The following PNPLA7 variants were observed in gnomAD, a reference collection of about 807,000 sequenced individuals.
PNPLA7 encodes patatin-like phospholipase domain-containing protein 7.
Under a neutral mutation model 161.7 loss-of-function variants are expected in PNPLA7, and 153 were observed. The observed-to-expected ratio is 0.95, with a 90% CI of 0.83 to 1.08. The LOEUF (loss-of-function observed/expected upper bound fraction) is 1.08, where lower values mean the gene tolerates loss of function less well. PNPLA7 is among the 50% of genes least tolerant of loss of function. The pLI is 0.00. For missense variants in PNPLA7, 1,739 were observed against 1,856.6 expected, an observed-to-expected ratio of 0.94 and a Z score of 1.16; for synonymous variants, 809 against 782.1, an observed-to-expected ratio of 1.03 and a Z score of -0.57.
At chr9:137,502,745 A>ACGAGGGGGG in intron 14 of PNPLA7, among the ~76,000 whole-genome samples, 1 of 72,520 alleles carries the variant, frequency 1.4e-5, no homozygotes, top group African/African-American at 5.8e-5. Flanking sequence ...GACGAGAGGG[A>ACGAGGGGGG]TGTGGGAGCC....
Position 137,506,064 on chromosome 9 carries a change from A to G in PNPLA7, c.1245T>C (p.Thr415=), listed in dbSNP as rs1311329342. 5 of 1,612,842 alleles carry G rather than the reference A, an allele frequency of 3.1e-6. No homozygotes were observed. The highest frequency in any genetic ancestry group is 4.2e-6 in the Non-Finnish European group (5 of 1,179,664). ...GGTCACATGCCATCCCCAGATCAGA[A>G]GTGGCACTGCCTGGGCCCCCTACAC... ...SAPQGGPGSA[T]SDLGMACDRA... The change falls in exon 13 of 35, where the codon ACT becomes ACC. Residue 415 remains threonine (T), a synonymous_variant. Transcript: ENST00000406427.
chr9:137,532,623 C>T (rs1588694606), intron 8 of PNPLA7, among the ~76,000 whole-genome samples: 1 of 152,094 alleles, frequency 6.6e-6, no homozygotes, highest in Non-Finnish European at 1.5e-5. Flanking sequence ...GCTGGTGGAG[C>T]CCTCTAAGGA....
At position 137,515,366 on chromosome 9, in the gene PNPLA7, C is replaced by T. The variant is rs367807807; in HGVS notation, c.1225+13G>A. ...TGGGTCACACTGGCTGGGCAGCCGT[C>T]GAGGTTCTTTACCTTGTGGGGCCGA... is the stretch of plus-strand genomic sequence containing the variant. On this transcript the variant is annotated intron_variant, in intron 12 of 34. Coordinates refer to ENST00000406427, the MANE Select transcript of PNPLA7 (RefSeq NM_001098537.3). The T allele has an allele frequency of 7.5e-6, 12 of 1,595,910 alleles. No homozygotes were observed. Among genetic ancestry groups the T allele is most frequent in the African/African-American group, 2.7e-5 (2 of 74,590 alleles).
At position 137,502,556 on chromosome 9, in the gene PNPLA7, C is replaced by T. The variant is rs190174888; in HGVS notation, c.1474-829G>A. Among the ~76,000 whole-genome samples, 872 of 144,152 alleles carry T rather than the reference C, an allele frequency of 6.0e-3. 13 individuals carry two copies. Among genetic ancestry groups the T allele is most frequent in the African/African-American group, 0.02 (779 of 38,432 alleles). 94.6% of individuals were successfully genotyped at this position (144,152 alleles called of 152,430 possible). Reference sequence around the variant, plus strand: ...CTCTCAGGCAGAGGACGGCCGCTGACGGAGAGGCCGCATCGCCCCAGGGCG... The same window carrying T: ...CTCTCAGGCAGAGGACGGCCGCTGATGGAGAGGCCGCATCGCCCCAGGGCG... On this transcript the variant is annotated intron_variant, in intron 14 of 34. Coordinates refer to ENST00000406427, the MANE Select transcript of PNPLA7 (RefSeq NM_001098537.3).
intron 12 of PNPLA7, among the ~76,000 whole-genome samples, chr9:137,515,039 C>T (rs970487099): frequency 3.3e-5 from 5 of 151,946 alleles, no homozygotes; most frequent in African/African-American, 9.7e-5. Context: ...GCTAGAGACC[C>T]GGGACACAAG....
chr9:137,503,978 GGAAGAAGAAAGAAGCAA>G lies in PNPLA7; in HGVS notation c.1473+1619_1473+1635del, dbSNP rs1460545872. ...AAGAAGGAAGAAGGAAGAAGAAGAA[GGAAGAAGAAAGAAGCAA>G]GAAGAAGAAAGAAGAAGGAAGAAGA... On this transcript the variant is annotated intron_variant, in intron 14 of 34. Coordinates refer to ENST00000406427, the MANE Select transcript of PNPLA7 (RefSeq NM_001098537.3). Among the ~76,000 whole-genome samples the G allele has an allele frequency of 7.0e-3, 327 of 46,432 alleles. 7 individuals are homozygous for G. The highest frequency in any genetic ancestry group is 0.023 in the African/African-American group (311 of 13,604). 30.5% of individuals were successfully genotyped at this position (46,432 alleles called of 152,430 possible). A position where few individuals can be genotyped will look rare whatever the true frequency, so the allele number is the denominator to read the frequency against.
chr9:137,504,043 A>G (rs980415032), intron 14 of PNPLA7, among the ~76,000 whole-genome samples: 5 of 135,418 alleles, frequency 3.7e-5, no homozygotes, highest in South Asian at 2.5e-4. Context: ...AAGGAAGAAG[A>G]AAGAAGAAGG....
Position 137,462,020 on chromosome 9 carries a change from GC to G in PNPLA7, c.3666del (p.Arg1223AlafsTer125). On this transcript the variant is annotated frameshift_variant, in exon 32 of 35. Transcript: ENST00000406427. LOFTEE classifies it high-confidence loss of function. ...NEICEVGYQH[G>X]RTVFDIWGRS... ...CGGCCCCAGATGTCAAACACCGTGC[GC>G]CCGTGCTGGTAGCCCACTTCCTGTG... The G allele has an allele frequency of 6.3e-7, 1 of 1,599,664 alleles. No homozygotes were observed. The highest frequency in any genetic ancestry group is 2.3e-5 in the East Asian group (1 of 44,086).
chr9:137,495,232 CA>C, intron 18 of PNPLA7, 86 bp from the exon 19 acceptor site: 1 of 889,774 alleles, frequency 1.1e-6, no homozygotes, highest in East Asian at 2.5e-5. Flanking sequence ...CGGTGCCTGC[CA>C]GAGCCACACA....
Position 137,480,732 on chromosome 9 carries a change from C to T in PNPLA7, c.2411+228G>A, listed in dbSNP as rs2132145795. ...GGGGAGAGTGAGACCCGGGGCTGCC[C>T]AGGCGGGAAGCGGGGGCTGGGGTCC... On this transcript the variant is annotated intron_variant, in intron 22 of 34. Transcript: ENST00000406427. 4.1e-6 allele frequency: 3 copies of T among 725,010 alleles called. No homozygotes were observed. In the South Asian group the frequency reaches 5.6e-5, roughly 14 times the overall value. 44.9% of individuals were successfully genotyped at this position (725,010 alleles called of 1,614,324 possible). A position where few individuals can be genotyped will look rare whatever the true frequency, so the allele number is the denominator to read the frequency against.
chr9:137,549,860 C>G (rs1588733576), intron 1 of PNPLA7, among the ~76,000 whole-genome samples: 1 of 152,232 alleles, frequency 6.6e-6, no homozygotes, highest in East Asian at 1.9e-4. Flanking sequence ...GAAGTAGCAA[C>G]TGTGACCTTA....
At chr9:137,477,381 A>G (rs145575619) in intron 25 of PNPLA7, among the ~76,000 whole-genome samples, 1 of 152,272 alleles carries the variant, frequency 6.6e-6, no homozygotes, top group East Asian at 1.9e-4. Flanking sequence ...AACTCACCAG[A>G]TGCTGGGAAA....
At chr9:137,521,529 C>T in intron 10 of PNPLA7, 107 bp downstream of exon 10, 1 of 1,055,510 alleles carries the variant, frequency 9.5e-7, no homozygotes, top group Non-Finnish European at 1.4e-6. Context: ...ACAGCTGTTG[C>T]TGGCACTGCC....
At chr9:137,546,958 T>C in intron 3 of PNPLA7, 49 bp from the exon 4 acceptor site, 2 of 1,565,260 alleles carry the variant, frequency 1.3e-6, no homozygotes, top group South Asian at 2.2e-5. Context: ...GGCACAGGCC[T>C]GGTCCTGGAC....
chr9:137,542,869 G>A (rs1189894054), intron 6 of PNPLA7, 68 bp from the exon 7 acceptor site: 11 of 1,531,202 alleles, frequency 7.2e-6, no homozygotes, highest in African/African-American at 2.7e-5. Flanking sequence ...CAAGAGTCTC[G>A]AGAGCACACG....
intron 8 of PNPLA7, among the ~76,000 whole-genome samples, chr9:137,526,427 G>C (rs527434677): frequency 6.6e-6 from 1 of 152,176 alleles, no homozygotes; most frequent in African/African-American, 2.4e-5. Flanking sequence ...ACAGGCGCCC[G>C]CCACCATGCC....
At chr9:137,466,785 G>A (rs1332961179) in intron 26 of PNPLA7, among the ~76,000 whole-genome samples, 6 of 71,900 alleles carry the variant, frequency 8.3e-5, no homozygotes, top group East Asian at 4.8e-4. Context: ...TCCCACCACC[G>A]TCTCCACCAA....
At chr9:137,536,705 C>T (rs73569741) in intron 8 of PNPLA7, among the ~76,000 whole-genome samples, 2,743 of 152,104 alleles carry the variant, frequency 0.018, 105 homozygotes, top group African/African-American at 0.062. Context: ...CGCCCATGAG[C>T]GGTGCAGATG....
intron 18 of PNPLA7, among the ~76,000 whole-genome samples, chr9:137,495,669 C>A (rs1833016244): frequency 1.3e-5 from 2 of 152,222 alleles, no homozygotes; most frequent in African/African-American, 4.8e-5. Context: ...TGGTCTCGAT[C>A]TCCTGACCTC....
Sources: gnomAD v4.1 joint callset for allele counts (sites outside exome capture counted in the v4.1 genomes callset) on GRCh38, gnomAD v4.1.1 for gene constraint, MANE v1.5 for transcripts, NCBI Gene and HGNC (gene_info 2026-07-23, HGNC 2026-07-21) for gene names.